The following SNAP91 variants were observed in gnomAD, a reference collection of about 807,000 sequenced individuals.
The protein encoded by SNAP91 is synaptosome associated protein 91.
In SNAP91, 27 loss-of-function variants were observed where a neutral mutation model predicts 100.3. That is an observed-to-expected ratio of 0.27 (90% CI 0.20 to 0.37). SNAP91 has a LOEUF of 0.37. SNAP91 is among the 10% of genes least tolerant of loss of function. SNAP91 has a pLI of 1.00. For missense variants in SNAP91, 986 were observed against 1,123.7 expected (o/e 0.88, Z 1.75); for synonymous variants, 404 against 398.6 (o/e 1.01, Z -0.16).
chr6:83,590,131 G>T (rs1253404966), intron 22 of SNAP91, among the ~76,000 whole-genome samples: 1 of 152,088 alleles, frequency 6.6e-6, no homozygotes, highest in African/African-American at 2.4e-5. Flanking sequence ...AGGGGCCTCA[G>T]AAGCTGCATC....
chr6:83,647,478 C>T (rs1037192217), intron 7 of SNAP91, among the ~76,000 whole-genome samples: 3 of 152,078 alleles, frequency 2.0e-5, no homozygotes, highest in African/African-American at 7.2e-5. Flanking sequence ...ATTGATGTGG[C>T]AGATTACATT....
Position 83,582,382 on chromosome 6 carries a change from G to T in SNAP91, c.2015-26C>A, listed in dbSNP as rs1477336445. The T allele has an allele frequency of 2.5e-6, 4 of 1,600,128 alleles. No homozygotes were observed. The Admixed American group carries it at 6.8e-5, about 27-fold the overall frequency. ...CTGAAAAAAAGTTCCAAAAAAACAA[G>T]CAGAAATAACATAAAGGTGGGTAAA... On this transcript the variant is annotated intron_variant, in intron 22 of 29. Coordinates refer to ENST00000369694, the MANE Select transcript of SNAP91 (RefSeq NM_001242792.2).
At position 83,649,744 on chromosome 6, in the gene SNAP91, CT is replaced by C. The variant is rs548434468; in HGVS notation, c.658+7009del. Among the ~76,000 whole-genome samples, 1,246 of 137,384 alleles carry C rather than the reference CT, an allele frequency of 9.1e-3. 3 individuals carry two copies. The highest frequency in any genetic ancestry group is 0.026 in the African/African-American group (957 of 37,522). The allele number at this position is 137,384 out of a possible 152,430, so 90.1% of individuals were successfully genotyped here. ...TATAGACATGAGCCACCATGCCTGG[CT>C]TTTTTTTTTTTTTCGTTATTTTTAG... On this transcript the variant is annotated intron_variant, in intron 7 of 29. Transcript: ENST00000369694.
chr6:83,586,374 C>T (rs1012810500), intron 22 of SNAP91, among the ~76,000 whole-genome samples: 5 of 152,270 alleles, frequency 3.3e-5, no homozygotes, highest in Middle Eastern at 6.8e-3. Flanking sequence ...TAGGCTGGAC[C>T]ATATAGTCCC....
At chr6:83,577,989 C>T (rs1048631624) in intron 24 of SNAP91, among the ~76,000 whole-genome samples, 3 of 152,074 alleles carry the variant, frequency 2.0e-5, no homozygotes, top group African/African-American at 7.2e-5. Context: ...TAGTCTTTTG[C>T]GACCGACTTC....
chr6:83,656,800 A>G lies in SNAP91; in HGVS notation c.612T>C (p.Leu204=). Reference sequence around the variant, plus strand: ...CATTGTAGCAAGCAAAAAGTTTGATAAGATCTTTGAAAAGAAGCATAAATG... The same window carrying G: ...CATTGTAGCAAGCAAAAAGTTTGATGAGATCTTTGAAAAGAAGCATAAATG... ...NAAFMLLFKD[L]IKLFACYNDG... Residue 204 remains leucine (L), a synonymous_variant, in exon 7 of 30, where the codon CTT becomes CTC. Transcript: ENST00000369694. 1 of 1,607,824 alleles carries G rather than the reference A, an allele frequency of 6.2e-7. No homozygotes were observed. The highest frequency in any genetic ancestry group is 8.5e-7 in the Non-Finnish European group (1 of 1,176,784).
At chr6:83,706,233 T>C (rs1233233035) in intron 2 of SNAP91, among the ~76,000 whole-genome samples, 2 of 152,228 alleles carry the variant, frequency 1.3e-5, no homozygotes, top group African/African-American at 4.8e-5. Flanking sequence ...ATTCATAACC[T>C]ATACCTTTCT....
At chr6:83,611,135 T>C (rs2096033056) in intron 11 of SNAP91, among the ~76,000 whole-genome samples, 1 of 152,042 alleles carries the variant, frequency 6.6e-6, no homozygotes. Context: ...AAGTACACTG[T>C]GAAGATCCCT....
At chr6:83,565,932 A>G (rs563593354) in intron 26 of SNAP91, among the ~76,000 whole-genome samples, 20 of 152,324 alleles carry the variant, frequency 1.3e-4, no homozygotes, top group African/African-American at 4.8e-4. Context: ...CGACTTACAC[A>G]TGACCCAGAG....
At chr6:83,630,953 C>T (rs189622909) in intron 8 of SNAP91, among the ~76,000 whole-genome samples, 35 of 152,086 alleles carry the variant, frequency 2.3e-4, no homozygotes, top group African/African-American at 7.7e-4. Context: ...TGTGTTCTTT[C>T]AAATTTTTTG....
chr6:83,661,695 G>A, intron 4 of SNAP91, 91 bp from the exon 5 acceptor site: 1 of 648,054 alleles, frequency 1.5e-6, no homozygotes, highest in Middle Eastern at 3.4e-4. Context: ...CTCTCTAAAT[G>A]GTGATAGTCC....
At position 83,641,096 on chromosome 6, in the gene SNAP91, C is replaced by G; in HGVS notation, c.765G>C (p.Glu255Asp). 6.7e-7 allele frequency: 1 copy of G among 1,485,376 alleles called. No homozygotes were observed. Among genetic ancestry groups the G allele is most frequent in the East Asian group, 2.5e-5 (1 of 40,708 alleles). 92.0% of individuals were successfully genotyped at this position (1,485,376 alleles called of 1,614,324 possible). ...CCCAAGAAAACTTAATATTACTTAC[C>G]TCTGCAACCTTGAGAAATTCAGACA... ...TRVSEFLKVA[E>D]QVGIDKGDIP... is the part of the protein sequence containing the mutation. Residue 255 changes from glutamate (E) to aspartate (D), a missense_variant and splice_region_variant, in exon 8 of 30, where the codon GAG becomes GAC. Physicochemically the swap from Glu to Asp is conservative, Grantham distance 45 (BLOSUM62 2). Around this residue, in one of 4 missense-constraint regions of SNAP91, gnomAD observed 330 missense variants for 447.5 expected, o/e 0.74. Coordinates refer to ENST00000369694, the MANE Select transcript of SNAP91 (RefSeq NM_001242792.2).
At chr6:83,681,099 G>C (rs1303110639) in intron 2 of SNAP91, among the ~76,000 whole-genome samples, 1 of 151,894 alleles carries the variant, frequency 6.6e-6, no homozygotes, top group Non-Finnish European at 1.5e-5. Flanking sequence ...CTTTTGAAGG[G>C]GTTATGATTC....
chr6:83,642,097 A>AC (rs2097728738), intron 7 of SNAP91, among the ~76,000 whole-genome samples: 1 of 152,144 alleles, frequency 6.6e-6, no homozygotes, highest in South Asian at 2.1e-4. Context: ...TCTGGTTTAT[A>AC]CCTGATGGCC....
intron 22 of SNAP91, among the ~76,000 whole-genome samples, chr6:83,586,123 T>C (rs961616595): frequency 6.6e-6 from 1 of 152,164 alleles, no homozygotes. Flanking sequence ...GCTGGGATTA[T>C]ATAGGCATGA....
chr6:83,662,275 G>C, intron 4 of SNAP91, 72 bp downstream of exon 4: 1 of 527,784 alleles, frequency 1.9e-6, no homozygotes, highest in Non-Finnish European at 3.2e-6. Context: ...CAGTTGCAAT[G>C]ATTTTGGATT....
At chr6:83,564,310 C>T (rs1793287381) in intron 26 of SNAP91, among the ~76,000 whole-genome samples, 1 of 150,304 alleles carries the variant, frequency 6.7e-6, no homozygotes, top group Admixed American at 6.7e-5. Context: ...AAAGAATAGG[C>T]TCTTCCTTTC....
rs377075958 is a variant in SNAP91 at position 83,593,523 on chromosome 6, C to A, written c.1651G>T (p.Ala551Ser). The A allele has an allele frequency of 1.2e-5, 19 of 1,552,572 alleles. No homozygotes were observed. The highest frequency in any genetic ancestry group is 1.7e-5 in the Non-Finnish European group (19 of 1,147,548). Residue 551 changes from alanine (A) to serine (S), a missense_variant, in exon 18 of 30, where the codon GCT (alanine) becomes TCT (serine). Coordinates refer to ENST00000369694, the MANE Select transcript of SNAP91 (RefSeq NM_001242792.2). ...AAATTTTTTSAATATTAPPAL... is the reference protein window; with the variant it reads ...AAATTTTTTSSATATTAPPAL... ...GGAGGAGCAGTGGTGGCGGTGGCAG[C>A]GGAGGTGGTGGTAGTGGTGGTGGCA...
At chr6:83,663,942 T>C (rs189090131) in intron 3 of SNAP91, among the ~76,000 whole-genome samples, 1 of 152,240 alleles carries the variant, frequency 6.6e-6, no homozygotes, top group Admixed American at 6.6e-5. Context: ...AAGTCAATGC[T>C]CATTTACCAT....
Sources: gnomAD v4.1 joint callset for allele counts (sites outside exome capture counted in the v4.1 genomes callset) on GRCh38, gnomAD v4.1.1 for gene constraint, gnomAD v4.1.1 regional missense constraint, MANE v1.5 for transcripts, NCBI Gene and HGNC (gene_info 2026-07-23, HGNC 2026-07-21) for gene names.